Variants in FRMD4A observed in about 807,000 individuals in gnomAD.
The protein encoded by FRMD4A is FERM domain containing 4A, also known as FERM domain-containing protein 4A.
FRMD4A carries 29 observed loss-of-function variants against 129.1 expected under a neutral mutation model. The ratio of observed to expected loss-of-function variants is 0.22; its 90% confidence interval spans 0.17 to 0.31. The LOEUF (loss-of-function observed/expected upper bound fraction) is 0.31, where lower values mean the gene tolerates loss of function less well. Among genes scored for constraint, FRMD4A ranks in the 10% least tolerant of loss-of-function variants. FRMD4A has a pLI of 1.00. For synonymous variants in FRMD4A, 634 were observed against 571.6 expected, an observed-to-expected ratio of 1.11 and a Z score of -1.56; for missense variants, 1,272 against 1,375.8, an observed-to-expected ratio of 0.92 and a Z score of 1.19.
chr10:14,314,888 T>C (rs971477307), intron 2 of FRMD4A, among the ~76,000 whole-genome samples: 10 of 152,132 alleles, frequency 6.6e-5, no homozygotes, highest in African/African-American at 2.2e-4. Context: ...GAGTATATTA[T>C]ACTCAAGAAG....
chr10:13,672,986 CTTTTGT>C (rs1374638192), intron 16 of FRMD4A, among the ~76,000 whole-genome samples: 2 of 152,110 alleles, frequency 1.3e-5, no homozygotes, highest in African/African-American at 2.4e-5. Flanking sequence ...TGTTTTCCTT[CTTTTGT>C]TTTTGTTTTT....
intron 2 of FRMD4A, among the ~76,000 whole-genome samples, chr10:14,003,368 A>T (rs1164712790): frequency 6.6e-6 from 1 of 152,198 alleles, no homozygotes; most frequent in African/African-American, 2.4e-5. Flanking sequence ...GACGAAGTTC[A>T]TCGTGGACAT....
At chr10:14,125,376 A>G (rs767042746) in intron 2 of FRMD4A, among the ~76,000 whole-genome samples, 13 of 152,198 alleles carry the variant, frequency 8.5e-5, no homozygotes, top group Non-Finnish European at 1.9e-4. Flanking sequence ...CCTCCTGAGT[A>G]GTACATTCAC....
chr10:13,692,491 C>T (rs903438750), intron 15 of FRMD4A: 11 of 152,176 alleles, frequency 7.2e-5, no homozygotes, highest in African/African-American at 2.4e-4. Flanking sequence ...ATTATGTTCA[C>T]AGATTTTATA....
intron 2 of FRMD4A, among the ~76,000 whole-genome samples, chr10:14,327,676 T>G (rs987901758): frequency 6.6e-6 from 1 of 152,134 alleles, no homozygotes; most frequent in Non-Finnish European, 1.5e-5. Flanking sequence ...AAGCAAGGGG[T>G]GTGGCCAGAT....
intron 2 of FRMD4A, among the ~76,000 whole-genome samples, chr10:14,129,395 TATATATATATATAA>T (rs921756210): frequency 1.6e-4 from 21 of 131,376 alleles, no homozygotes; most frequent in South Asian, 9.5e-4. Context: ...TATATATATA[TATATATATATATAA>T]AAAATATGAG....
At chr10:14,173,562 G>A (rs1391098051) in intron 2 of FRMD4A, among the ~76,000 whole-genome samples, 2 of 152,174 alleles carry the variant, frequency 1.3e-5, no homozygotes, top group Non-Finnish European at 2.9e-5. Context: ...CTCTGAAGAA[G>A]AGGAGGAGGA....
chr10:13,841,656 C>A (rs1314438910), intron 3 of FRMD4A, among the ~76,000 whole-genome samples: 1 of 152,202 alleles, frequency 6.6e-6, no homozygotes, highest in Non-Finnish European at 1.5e-5. Context: ...CAGGAGGAGA[C>A]AGCACAGATA....
chr10:13,799,470 C>T (rs7072101), intron 4 of FRMD4A, among the ~76,000 whole-genome samples: 27,103 of 150,808 alleles, frequency 0.18, 3,917 homozygotes, highest in African/African-American at 0.4. Context: ...AGTTGACTTT[C>T]TATATCTGGA....
chr10:13,761,397 C>T (rs531367682), intron 8 of FRMD4A, among the ~76,000 whole-genome samples: 7 of 152,328 alleles, frequency 4.6e-5, no homozygotes, highest in Admixed American at 6.5e-5. Context: ...GCATGTGTGA[C>T]GCTGGGCCTA....
intron 2 of FRMD4A, among the ~76,000 whole-genome samples, chr10:14,079,486 T>C (rs1006613025): frequency 2.0e-5 from 3 of 152,202 alleles, no homozygotes; most frequent in South Asian, 2.1e-4. Context: ...TTAATTAAAA[T>C]TATGGTTCCT....
rs538435436 is a variant in FRMD4A at position 14,207,303 on chromosome 10, G to C, written c.45+122755C>G. Among the ~76,000 whole-genome samples the C allele has an allele frequency of 7.9e-5, 12 of 152,212 alleles. No individual in the cohort carries two copies. The East Asian group carries it at 2.3e-3, about 29-fold the overall frequency. ...ATGAAAGACAATTTTTCCACGGATG[G>C]GGGTGGGGTGATGGTTTCGGGATGA... On this transcript the variant is annotated intron_variant, in intron 2 of 24. Transcript: ENST00000357447.
At chr10:13,928,301 C>G (rs1488445837) in intron 2 of FRMD4A, among the ~76,000 whole-genome samples, 1 of 151,684 alleles carries the variant, frequency 6.6e-6, no homozygotes, top group Non-Finnish European at 1.5e-5. Context: ...AAAGGCCCAG[C>G]CTTACTTAAC....
chr10:14,103,922 G>T (rs1837442365), intron 2 of FRMD4A, among the ~76,000 whole-genome samples: 1 of 152,136 alleles, frequency 6.6e-6, no homozygotes, highest in Admixed American at 6.5e-5. Context: ...CCCATCCTAA[G>T]CTAAAAGAAT....
intron 14 of FRMD4A, among the ~76,000 whole-genome samples, chr10:13,699,527 C>T (rs1256796527): frequency 1.1e-4 from 17 of 152,126 alleles, no homozygotes; most frequent in Admixed American, 8.5e-4. Flanking sequence ...CTCAAGAGAC[C>T]GCCTATGCAA....
At chr10:14,092,283 T>C (rs950299343) in intron 2 of FRMD4A, among the ~76,000 whole-genome samples, 4 of 152,304 alleles carry the variant, frequency 2.6e-5, no homozygotes, top group Admixed American at 6.5e-5. Context: ...TCCTATTGAA[T>C]AAAGGCAGCA....
At chr10:14,028,134 AT>A (rs957146088) in intron 2 of FRMD4A, among the ~76,000 whole-genome samples, 3 of 152,264 alleles carry the variant, frequency 2.0e-5, no homozygotes, top group South Asian at 2.1e-4. Flanking sequence ...CCTGTTATAT[AT>A]TTTTTTGATA....
At chr10:14,086,081 G>A (rs1441245308) in intron 2 of FRMD4A, among the ~76,000 whole-genome samples, 4 of 152,088 alleles carry the variant, frequency 2.6e-5, no homozygotes, top group Non-Finnish European at 4.4e-5. Context: ...TTTAGTTAAT[G>A]TACACATGTA....
intron 12 of FRMD4A, among the ~76,000 whole-genome samples, chr10:13,735,037 C>T (rs2090554633): frequency 6.6e-6 from 1 of 152,112 alleles, no homozygotes; most frequent in Non-Finnish European, 1.5e-5. Context: ...CCATGGCCAG[C>T]TAATTTTGTA....
Sources: gnomAD v4.1 joint callset for allele counts (sites outside exome capture counted in the v4.1 genomes callset) on GRCh38, gnomAD v4.1.1 for gene constraint, MANE v1.5 for transcripts, NCBI Gene and HGNC (gene_info 2026-07-23, HGNC 2026-07-21) for gene names.